Variants in ITPRID2 observed in about 807,000 individuals in gnomAD.
ITPRID2 encodes ITPR interacting domain containing 2, also known as protein ITPRID2.
A neutral mutation model predicts 124.3 loss-of-function variants in ITPRID2; 60 were observed. The observed-to-expected ratio is 0.48, with a 90% CI of 0.39 to 0.60. ITPRID2 has a LOEUF of 0.60. ITPRID2 is among the 20% of genes least tolerant of loss of function. ITPRID2 has a pLI of 0.00. For synonymous variants in ITPRID2, 521 were observed against 542.9 expected (o/e 0.96, Z 0.56); for missense variants, 1,553 against 1,512.2 (o/e 1.03, Z -0.45).
At position 181,910,027 on chromosome 2, in the gene ITPRID2, G is replaced by T; in HGVS notation, c.1486+56G>T. ...CACATTATCAAATATTAGTTGATTT[G>T]GAAAAGGGGTTTTATGTATCAGTAT... On this transcript the variant is annotated intron_variant, in intron 9 of 17. Transcript: ENST00000431877. The surrounding 1 kb of genome is among the most constrained non-coding windows in gnomAD (Gnocchi z 4.1). The T allele has an allele frequency of 7.4e-7, 1 of 1,359,498 alleles. No individual in the cohort carries two copies. The highest frequency in any genetic ancestry group is 2.3e-5 in the East Asian group (1 of 43,096). 84.2% of individuals were successfully genotyped at this position (1,359,498 alleles called of 1,614,324 possible). A position where few individuals can be genotyped will look rare whatever the true frequency, so the allele number is the denominator to read the frequency against.
At chr2:181,928,545 C>G (rs966556195) in intron 17 of ITPRID2, among the ~76,000 whole-genome samples, 1 of 151,994 alleles carries the variant, frequency 6.6e-6, no homozygotes, top group Non-Finnish European at 1.5e-5. Flanking sequence ...ATTGGACCTT[C>G]AAACCTGAAT....
chr2:181,929,025 C>G (rs901818925), intron 17 of ITPRID2, among the ~76,000 whole-genome samples: 1 of 151,812 alleles, frequency 6.6e-6, no homozygotes, highest in African/African-American at 2.4e-5. Flanking sequence ...TTTCAAAAAA[C>G]TCTTTTATAT....
In ITPRID2 at chr2:181,896,487, G is replaced by C. The variant is rs1444749062; in HGVS notation, c.307+408G>C. On this transcript the variant is annotated intron_variant, in intron 3 of 17. Coordinates refer to ENST00000431877, the MANE Select transcript of ITPRID2 (RefSeq NM_001130445.3). This position sits in a 1 kb window ranked among gnomAD's most constrained non-coding sequence, Gnocchi z 4.3. Reference sequence around the variant, plus strand: ...TCAAGACAGAATTCTAAAGTTCAAAGTACAACAAGCATGTGCAGGCAGTGG... The same window carrying C: ...TCAAGACAGAATTCTAAAGTTCAAACTACAACAAGCATGTGCAGGCAGTGG... Among the ~76,000 whole-genome samples the C allele has an allele frequency of 6.6e-6, 1 of 151,876 alleles. No individual in the cohort carries two copies. The highest frequency in any genetic ancestry group is 1.5e-5 in the Non-Finnish European group (1 of 67,838).
intron 16 of ITPRID2, 118 bp downstream of exon 16, chr2:181,922,530 A>G: frequency 9.8e-7 from 1 of 1,016,656 alleles, no homozygotes; most frequent in Non-Finnish European, 1.4e-6. Context: ...TAATTTTCAC[A>G]GAGCTTTTAA....
At chr2:181,895,756 A>G (rs1692149435) in intron 2 of ITPRID2, among the ~76,000 whole-genome samples, 1 of 151,996 alleles carries the variant, frequency 6.6e-6, no homozygotes, top group Admixed American at 6.5e-5. Flanking sequence ...AAAAATGCCA[A>G]TTCAAATCAT....
In ITPRID2 at chr2:181,929,688, A is replaced by G; in HGVS notation, c.*141A>G. The G allele has an allele frequency of 6.9e-7, 1 of 1,440,382 alleles. No individual in the cohort carries two copies. The highest frequency in any genetic ancestry group is 9.5e-7 in the Non-Finnish European group (1 of 1,051,308). 89.2% of individuals were successfully genotyped at this position (1,440,382 alleles called of 1,614,324 possible). A position where few individuals can be genotyped will look rare whatever the true frequency, so the allele number is the denominator to read the frequency against. On this transcript the variant is annotated 3_prime_UTR_variant, in exon 18 of 18. Transcript: ENST00000431877. The stretch of plus-strand genomic sequence containing the variant: ...CTACTGTATACAGTGTACAATGTGT[A>G]TTTCTTCAACCATATATTTTAAAAA...
chr2:181,925,958 A>G (rs1347264518), intron 16 of ITPRID2, among the ~76,000 whole-genome samples: 4 of 152,230 alleles, frequency 2.6e-5, no homozygotes, highest in African/African-American at 9.7e-5. Flanking sequence ...TAATGAATCA[A>G]TAAATTATTT....
Position 181,919,926 on chromosome 2 carries a change from T to A in ITPRID2, c.3144+480T>A, listed in dbSNP as rs767505401. ...TGATACCTGTATATTTTCATACATATATATACATACACATACATATATGTA... is the reference window on the plus strand; with the variant it reads ...TGATACCTGTATATTTTCATACATAAATATACATACACATACATATATGTA... On this transcript the variant is annotated intron_variant, in intron 14 of 17. Coordinates refer to ENST00000431877, the MANE Select transcript of ITPRID2 (RefSeq NM_001130445.3). The surrounding 1 kb of genome is among the most constrained non-coding windows in gnomAD (Gnocchi z 4.2). Among the ~76,000 whole-genome samples the A allele has an allele frequency of 6.6e-6, 1 of 152,062 alleles. No individual in the cohort carries two copies. Among genetic ancestry groups the A allele is most frequent in the Non-Finnish European group, 1.5e-5 (1 of 67,982 alleles).
intron 2 of ITPRID2, chr2:181,894,085 G>A (rs941063100): frequency 2.6e-5 from 4 of 152,112 alleles, no homozygotes; most frequent in Non-Finnish European, 5.9e-5. Context: ...AATAGGCTTA[G>A]CATTACAAAT....
chr2:181,900,135 C>G (rs776312109), intron 6 of ITPRID2, among the ~76,000 whole-genome samples: 6 of 152,178 alleles, frequency 3.9e-5, no homozygotes, highest in East Asian at 1.9e-4. Flanking sequence ...AACCCACACT[C>G]TCTGTACCTT....
Position 181,915,237 on chromosome 2 carries a change from A to T in ITPRID2, c.1597A>T (p.Met533Leu). The T allele has an allele frequency of 6.2e-7, 1 of 1,614,046 alleles. No homozygotes were observed. The highest frequency in any genetic ancestry group is 1.7e-5 in the Admixed American group (1 of 60,014). Residue 533 changes from methionine (M) to leucine (L), a missense_variant, in exon 11 of 18, where the codon ATG becomes TTG. Physicochemically the swap from Met to Leu is conservative, Grantham distance 15. Transcript: ENST00000431877. The part of the protein sequence containing the change: ...HLQVQESLQA[M>L]GSSADSCDSE... ...ACAGGTTCAGGAGTCCTTGCAGGCT[A>T]TGGGGAGTAGTGCTGATAGTTGTGA... is the stretch of plus-strand genomic sequence containing the variant.
In ITPRID2 at chr2:181,915,280, C is replaced by G; in HGVS notation, c.1640C>G (p.Thr547Arg). The part of the protein sequence containing the change: ...ADSCDSETTV[T>R]SLGEDLATPT... ...AGTTGTGACAGTGAGACAACAGTTA[C>G]GTCACTTGGTGAAGACCTTGCCACA... The change falls in exon 11 of 18, where the codon ACG becomes AGG. Residue 547 changes from threonine (T) to arginine (R), a missense_variant. By Grantham distance (71) the Thr-to-Arg change is moderately conservative. Transcript: ENST00000431877. 6.2e-7 allele frequency: 1 copy of G among 1,614,120 alleles called. No homozygotes were observed. The highest frequency in any genetic ancestry group is 1.1e-5 in the South Asian group (1 of 91,086).
intron 16 of ITPRID2, among the ~76,000 whole-genome samples, chr2:181,927,784 GTC>G (rs1477060435): frequency 6.6e-6 from 1 of 152,190 alleles, no homozygotes; most frequent in Non-Finnish European, 1.5e-5. Flanking sequence ...GAGCACTTGT[GTC>G]TCTGCTGATT....
At chr2:181,898,710 C>G (rs1692412612) in intron 4 of ITPRID2, 170 bp from the exon 5 acceptor site, 3 of 620,200 alleles carry the variant, frequency 4.8e-6, no homozygotes, top group South Asian at 2.1e-5. Context: ...CTGTTCTTAT[C>G]TATCTGTATA....
At chr2:181,904,202 A>G (rs367713906) in intron 8 of ITPRID2, among the ~76,000 whole-genome samples, 1 of 152,180 alleles carries the variant, frequency 6.6e-6, no homozygotes, top group East Asian at 1.9e-4. Context: ...TTAACCTTTA[A>G]TGATAGTCTG....
Position 181,919,113 on chromosome 2 carries a change from A to G in ITPRID2, c.2994-183A>G, listed in dbSNP as rs528833701. Among the ~76,000 whole-genome samples, 5 of 152,318 alleles carry G rather than the reference A, an allele frequency of 3.3e-5. No homozygotes were observed. The highest frequency in any genetic ancestry group is 1.2e-4 in the African/African-American group (5 of 41,580). On this transcript the variant is annotated intron_variant, in intron 13 of 17. Transcript: ENST00000431877. The surrounding 1 kb of genome is among the most constrained non-coding windows in gnomAD (Gnocchi z 4.2). ...CTTTCCCGTGTTTGAGATATTTGTGAGAGGATAGGGGAAGAAAGACTAATG... is the reference window on the plus strand; with the variant it reads ...CTTTCCCGTGTTTGAGATATTTGTGGGAGGATAGGGGAAGAAAGACTAATG...
At chr2:181,903,713 T>G (rs1285631697) in intron 8 of ITPRID2, among the ~76,000 whole-genome samples, 1 of 152,314 alleles carries the variant, frequency 6.6e-6, no homozygotes, top group East Asian at 1.9e-4. Context: ...TATATGTTTA[T>G]ATTTCTTCTA....
In ITPRID2 at chr2:181,891,980, C is replaced by T; in HGVS notation, c.-87C>T. The T allele has an allele frequency of 7.3e-7, 1 of 1,373,160 alleles. No individual in the cohort carries two copies. The highest frequency in any genetic ancestry group is 9.7e-7 in the Non-Finnish European group (1 of 1,027,624). The allele number at this position is 1,373,160 out of a possible 1,614,324, so 85.1% of individuals were successfully genotyped here. On this transcript the variant is annotated 5_prime_UTR_variant, in exon 1 of 18. Transcript: ENST00000431877. Reference sequence around the variant, plus strand: ...AGCTCCCCGGGGCCCCCTGCCCGGCCGGGCGCTGACAGCAAGGGCGGGGGT... The same window carrying T: ...AGCTCCCCGGGGCCCCCTGCCCGGCTGGGCGCTGACAGCAAGGGCGGGGGT...
intron 15 of ITPRID2, among the ~76,000 whole-genome samples, chr2:181,920,977 A>T (rs528085239): frequency 2.0e-5 from 3 of 151,832 alleles, no homozygotes; most frequent in African/African-American, 7.2e-5. Context: ...TCAAGCCAGG[A>T]GTTTGAGACC....
Sources: allele counts gnomAD v4.1 joint callset (sites outside exome capture counted in the v4.1 genomes callset), GRCh38; gene constraint gnomAD v4.1.1; non-coding constraint Gnocchi (gnomAD v3.1); transcripts MANE v1.5; gene names NCBI Gene and HGNC (gene_info 2026-07-23, HGNC 2026-07-21).